Variants in LRRK2 observed in about 807,000 individuals in gnomAD.
The protein encoded by LRRK2 is leucine-rich repeat serine/threonine-protein kinase 2.
In LRRK2, 203 loss-of-function variants were observed where a neutral mutation model predicts 302.6. That is an observed-to-expected ratio of 0.67 (90% CI 0.60 to 0.75). The LOEUF is 0.75. Among genes scored for constraint, LRRK2 ranks in the 30% least tolerant of loss-of-function variants. The probability of loss-of-function intolerance (pLI) is 0.00; values close to 1 mark genes in which losing one functional copy is unlikely to be tolerated. For synonymous variants in LRRK2, 1,066 were observed against 1,031.9 expected (o/e 1.03, Z -0.63); for missense variants, 2,830 against 2,951.0 (o/e 0.96, Z 0.95).
chr12:40,344,752 A>C (rs1946144024), intron 41 of LRRK2, among the ~76,000 whole-genome samples: 1 of 152,146 alleles, frequency 6.6e-6, no homozygotes, highest in Admixed American at 6.5e-5. Flanking sequence ...TGAGAATTAT[A>C]TTATGGTTAT....
intron 39 of LRRK2, among the ~76,000 whole-genome samples, chr12:40,329,128 A>G (rs1945636242): frequency 6.6e-6 from 1 of 152,206 alleles, no homozygotes. Context: ...TTCTGGATTT[A>G]TCCACTTTAA....
At chr12:40,250,241 C>G (rs1408119159) in intron 8 of LRRK2, among the ~76,000 whole-genome samples, 12 of 152,152 alleles carry the variant, frequency 7.9e-5, no homozygotes, top group Non-Finnish European at 1.8e-4. Context: ...CCTGTAATCT[C>G]AGAACTTTGG....
intron 13 of LRRK2, among the ~76,000 whole-genome samples, chr12:40,260,345 T>G (rs1040673830): frequency 6.6e-6 from 1 of 151,666 alleles, no homozygotes; most frequent in African/African-American, 2.4e-5. Flanking sequence ...AGAATATCGA[T>G]GGAGGCACAA....
intron 14 of LRRK2, among the ~76,000 whole-genome samples, chr12:40,272,376 G>A (rs1325954774): frequency 6.6e-5 from 10 of 152,142 alleles, no homozygotes; most frequent in African/African-American, 2.2e-4. Context: ...ATTTAAACTT[G>A]TGCTTTGACT....
chr12:40,291,155 C>T (rs1023126323), intron 20 of LRRK2, among the ~76,000 whole-genome samples: 5 of 151,972 alleles, frequency 3.3e-5, no homozygotes, highest in African/African-American at 7.3e-5. Flanking sequence ...TGGAAACCAT[C>T]GTTCTCAGCA....
At position 40,249,965 on chromosome 12, in the gene LRRK2, AG is replaced by A. The variant is rs1463423273; in HGVS notation, c.958+24del. ...TCCTCAGTAAGTAACTTCACTAAAA[AG>A]GGGATTCTTACAGAGGCATTTGACA... On this transcript the variant is annotated intron_variant, in intron 8 of 50. Coordinates refer to ENST00000298910, the MANE Select transcript of LRRK2 (RefSeq NM_198578.4). 3.7e-6 allele frequency: 6 copies of A among 1,612,872 alleles called. No homozygotes were observed. Among genetic ancestry groups the A allele is most frequent in the Non-Finnish European group, 5.1e-6 (6 of 1,179,368 alleles).
chr12:40,247,665 A>C (rs2952713), intron 7 of LRRK2, among the ~76,000 whole-genome samples: 1 of 40,698 alleles, frequency 2.5e-5, no homozygotes, highest in African/African-American at 8.2e-5. Flanking sequence ...TAAATATACA[A>C]ATATAAATAT....
intron 38 of LRRK2, among the ~76,000 whole-genome samples, chr12:40,326,330 GGT>G (rs763812591): frequency 1.3e-4 from 19 of 151,998 alleles, no homozygotes; most frequent in South Asian, 2.1e-4. Flanking sequence ...CAGGCGTGGT[GGT>G]GTGGGCGGCT....
At chr12:40,271,546 AC>A (rs1471413349) in intron 14 of LRRK2, among the ~76,000 whole-genome samples, 10 of 152,170 alleles carry the variant, frequency 6.6e-5, no homozygotes, top group African/African-American at 2.2e-4. Context: ...CACTTGAAAA[AC>A]ACCTCCTAAG....
intron 14 of LRRK2, among the ~76,000 whole-genome samples, chr12:40,267,509 T>G (rs1943068209): frequency 1.3e-5 from 2 of 152,124 alleles, no homozygotes. Flanking sequence ...TCTCTAAAGT[T>G]ATTAGAGAAG....
At chr12:40,252,116 T>G (rs576586290) in intron 10 of LRRK2, among the ~76,000 whole-genome samples, 2 of 152,322 alleles carry the variant, frequency 1.3e-5, no homozygotes, top group Admixed American at 1.3e-4. Context: ...AGGAGTTTTG[T>G]GCATATCAGG....
chr12:40,225,752 G>C (rs1236445531), intron 2 of LRRK2, 112 bp downstream of exon 2: 1 of 882,660 alleles, frequency 1.1e-6, no homozygotes, highest in Admixed American at 2.0e-5. Context: ...AATTTGGCTT[G>C]AGGAACCTCT....
chr12:40,343,524 T>A (rs1208722142), intron 41 of LRRK2, among the ~76,000 whole-genome samples: 2 of 152,254 alleles, frequency 1.3e-5, no homozygotes, highest in Non-Finnish European at 2.9e-5. Context: ...AAGATATGTT[T>A]CAGTACACAA....
intron 2 of LRRK2, among the ~76,000 whole-genome samples, chr12:40,225,955 T>C (rs17465737): frequency 0.019 from 2,933 of 152,264 alleles, 47 homozygotes; most frequent in Non-Finnish European, 0.031. Context: ...CATTAGTGTT[T>C]AGACTTGACT....
chr12:40,256,249 C>G (rs1270547365), intron 11 of LRRK2, among the ~76,000 whole-genome samples: 1 of 152,120 alleles, frequency 6.6e-6, no homozygotes, highest in Non-Finnish European at 1.5e-5. Flanking sequence ...GAGTTCAAGA[C>G]CAGGCTGGGC....
rs1944679882 is a variant in LRRK2, at chr12:40,302,821, A to G, written c.3529A>G (p.Ile1177Val). Residue 1177 changes from isoleucine (I) to valine (V), a missense_variant, in exon 26 of 51, where the codon ATC becomes GTC. Physicochemically the swap from Ile to Val is conservative, Grantham distance 29. Around this residue, in one of 3 missense-constraint regions of LRRK2, gnomAD observed 2,121 missense variants for 2,148.0 expected, o/e 0.99. Transcript: ENST00000298910. ...GCCTTTCTTGCCTCCTTCTATGACAATCCTAAAATTATCTCAGAACAAATT... is the reference window on the plus strand; with the variant it reads ...GCCTTTCTTGCCTCCTTCTATGACAGTCCTAAAATTATCTCAGAACAAATT... ...AMPFLPPSMT[I>V]LKLSQNKFSC... The G allele has an allele frequency of 1.2e-6, 2 of 1,611,368 alleles. No homozygotes were observed. The highest frequency in any genetic ancestry group is 1.7e-6 in the Non-Finnish European group (2 of 1,178,010).
At chr12:40,314,314 T>G in intron 32 of LRRK2, 141 bp downstream of exon 32, 1 of 832,914 alleles carries the variant, frequency 1.2e-6, no homozygotes, top group Non-Finnish European at 1.9e-6. Flanking sequence ...TTTTTCTTTT[T>G]GGAAGATCAT....
At position 40,277,866 on chromosome 12, in the gene LRRK2, AT is replaced by A. The variant is rs762948195; in HGVS notation, c.1942-14del. On this transcript the variant is annotated intron_variant, in intron 16 of 50. Coordinates refer to ENST00000298910, the MANE Select transcript of LRRK2 (RefSeq NM_198578.4). ...TTTGCCTGTAATTGCTTATTTTATT[AT>A]TTTTTTTCTTATACTTTTAGGGATT... The A allele has an allele frequency of 2.0e-4, 316 of 1,566,536 alleles. 2 individuals carry two copies. Among genetic ancestry groups the A allele is most frequent in the South Asian group, 3.8e-4 (33 of 87,480 alleles).
At chr12:40,242,819 G>GAAAAAAAAAAAAAAAAAAA (rs1941796075) in intron 6 of LRRK2, among the ~76,000 whole-genome samples, 1 of 6,086 alleles carries the variant, frequency 1.6e-4, no homozygotes, top group Non-Finnish European at 5.4e-4. Context: ...AAAAAAAAAG[G>GAAAAAAAAAAAAAAAAAAA]TAAGCAATAT....
Sources: gnomAD v4.1 joint callset for allele counts (sites outside exome capture counted in the v4.1 genomes callset) on GRCh38, gnomAD v4.1.1 for gene constraint, gnomAD v4.1.1 regional missense constraint, MANE v1.5 for transcripts, NCBI Gene and HGNC (gene_info 2026-07-23, HGNC 2026-07-21) for gene names.